CSMD1: variants seen among roughly 807,000 people sequenced by gnomAD.
The protein encoded by CSMD1 is CUB and Sushi multiple domains 1.
CSMD1 carries 213 observed loss-of-function variants against 417.5 expected under a neutral mutation model. The observed-to-expected ratio is 0.51, with a 90% CI of 0.46 to 0.57. The LOEUF is 0.57. Among genes scored for constraint, CSMD1 ranks in the 20% least tolerant of loss-of-function variants. The pLI, the probability that CSMD1 is intolerant of heterozygous loss-of-function variation, is 0.00. For missense variants in CSMD1, 6,923 were observed against 4,529.7 expected, an observed-to-expected ratio of 1.53 and a Z score of -15.17; for synonymous variants, 2,862 against 1,736.8, an observed-to-expected ratio of 1.65 and a Z score of -16.11.
intron 3 of CSMD1, among the ~76,000 whole-genome samples, chr8:4,055,501 ATAAG>A (rs1798644870): frequency 6.6e-6 from 1 of 151,974 alleles, no homozygotes; most frequent in Admixed American, 6.6e-5. Flanking sequence ...TTTCATATAA[ATAAG>A]AGTCAAAATC....
Position 4,369,170 on chromosome 8 carries a change from A to G in CSMD1, c.415+50783T>C, listed in dbSNP as rs75830086. On this transcript the variant is annotated intron_variant, in intron 3 of 69. Transcript: ENST00000635120. ...GTCTCCATTTTCACTGGTTTCAAAAACTTTTTTTGATTTCTGACTTAATTT... is the reference window on the plus strand; with the variant it reads ...GTCTCCATTTTCACTGGTTTCAAAAGCTTTTTTTGATTTCTGACTTAATTT... 2.3e-3 allele frequency among the ~76,000 whole-genome samples: 345 copies of G among 152,180 alleles called. 1 individual carries two copies. Among genetic ancestry groups the G allele is most frequent in the African/African-American group, 8.0e-3 (334 of 41,538 alleles).
chr8:4,479,543 C>T (rs184511405), intron 2 of CSMD1, among the ~76,000 whole-genome samples: 2 of 152,142 alleles, frequency 1.3e-5, no homozygotes, highest in Non-Finnish European at 2.9e-5. Flanking sequence ...ATTGATCACT[C>T]GTTTCACTTC....
chr8:3,655,509 G>C (rs1798056642), intron 7 of CSMD1, among the ~76,000 whole-genome samples: 1 of 152,212 alleles, frequency 6.6e-6, no homozygotes, highest in Admixed American at 6.5e-5. Context: ...AACACAGCCA[G>C]CTCAGGACCA....
intron 3 of CSMD1, among the ~76,000 whole-genome samples, chr8:4,142,007 G>C (rs1258813540): frequency 6.6e-6 from 1 of 150,596 alleles, no homozygotes; most frequent in Non-Finnish European, 1.5e-5. Flanking sequence ...TATATTCAAT[G>C]ATGTTCCAAA....
intron 23 of CSMD1, among the ~76,000 whole-genome samples, chr8:3,332,074 A>G (rs1806937132): frequency 6.6e-6 from 1 of 152,250 alleles, no homozygotes; most frequent in Non-Finnish European, 1.5e-5. Context: ...TAGATGATCA[A>G]TTAATTGACA....
intron 25 of CSMD1, among the ~76,000 whole-genome samples, chr8:3,289,292 T>G (rs1042912205): frequency 6.8e-6 from 1 of 147,360 alleles, no homozygotes; most frequent in African/African-American, 2.7e-5. Context: ...AACATACGTG[T>G]GCATGTGTCT....
At chr8:4,199,764 A>C (rs2131249361) in intron 3 of CSMD1, among the ~76,000 whole-genome samples, 1 of 152,298 alleles carries the variant, frequency 6.6e-6, no homozygotes, top group African/African-American at 2.4e-5. Flanking sequence ...CAAAAACTGA[A>C]GACTCAAGGA....
chr8:4,812,158 G>C (rs554389822), intron 1 of CSMD1, among the ~76,000 whole-genome samples: 4 of 152,144 alleles, frequency 2.6e-5, no homozygotes, highest in African/African-American at 9.7e-5. Flanking sequence ...AAGCTCACTG[G>C]CTGCTTCGTG....
intron 2 of CSMD1, among the ~76,000 whole-genome samples, chr8:4,589,437 C>A (rs80213987): frequency 2.6e-5 from 4 of 152,026 alleles, no homozygotes; most frequent in Admixed American, 6.6e-5. Flanking sequence ...TTTACCAATA[C>A]TAAGAATTAA....
chr8:4,053,303 G>A (rs1021919584), intron 3 of CSMD1, among the ~76,000 whole-genome samples: 1 of 152,168 alleles, frequency 6.6e-6, no homozygotes, highest in Non-Finnish European at 1.5e-5. Context: ...TTAGCATTGC[G>A]AATGCATGAG....
chr8:3,257,489 G>C (rs556855062), intron 26 of CSMD1, among the ~76,000 whole-genome samples: 1 of 152,308 alleles, frequency 6.6e-6, no homozygotes, highest in East Asian at 1.9e-4. Flanking sequence ...TTATGGATAT[G>C]GACAGTGACA....
intron 3 of CSMD1, among the ~76,000 whole-genome samples, chr8:4,345,894 G>A (rs910280500): frequency 1.3e-5 from 2 of 152,060 alleles, no homozygotes; most frequent in Non-Finnish European, 2.9e-5. Flanking sequence ...TGATGAGTCT[G>A]TGTATTCAGT....
intron 5 of CSMD1, among the ~76,000 whole-genome samples, chr8:3,820,196 A>G (rs1027903366): frequency 5.9e-5 from 9 of 152,122 alleles, no homozygotes; most frequent in Non-Finnish European, 1.0e-4. Flanking sequence ...GGTGCTATAT[A>G]TAAACCATGT....
At chr8:3,678,780 C>G (rs929624709) in intron 7 of CSMD1, among the ~76,000 whole-genome samples, 1 of 152,072 alleles carries the variant, frequency 6.6e-6, no homozygotes, top group Non-Finnish European at 1.5e-5. Context: ...TTAAGTGCAG[C>G]CAGAGAGAAA....
intron 7 of CSMD1, among the ~76,000 whole-genome samples, chr8:3,620,002 T>G (rs1025013007): frequency 2.0e-5 from 3 of 152,100 alleles, no homozygotes; most frequent in East Asian, 3.9e-4. Context: ...CTTGGGAGGC[T>G]GAGACAGGAG....
intron 26 of CSMD1, among the ~76,000 whole-genome samples, chr8:3,263,064 G>T (rs1401889305): frequency 6.6e-6 from 1 of 152,110 alleles, no homozygotes; most frequent in Non-Finnish European, 1.5e-5. Flanking sequence ...CACCTACTTT[G>T]TGTAATAATT....
chr8:4,032,886 T>G (rs1246738359), intron 3 of CSMD1, among the ~76,000 whole-genome samples: 1 of 151,978 alleles, frequency 6.6e-6, no homozygotes, highest in Non-Finnish European at 1.5e-5. Context: ...CAGGCCGTGG[T>G]GGGATGGGGC....
chr8:4,238,473 T>G (rs1225827409), intron 3 of CSMD1, among the ~76,000 whole-genome samples: 1 of 152,134 alleles, frequency 6.6e-6, no homozygotes, highest in Non-Finnish European at 1.5e-5. Context: ...GCACACTGCC[T>G]TAGGGTAAGG....
chr8:3,183,937 A>T (rs1821592336), intron 36 of CSMD1, among the ~76,000 whole-genome samples: 1 of 152,144 alleles, frequency 6.6e-6, no homozygotes, highest in Non-Finnish European at 1.5e-5. Context: ...TTTGAGCCTG[A>T]TCTTTTCCTA....
Sources: allele counts gnomAD v4.1 joint callset (sites outside exome capture counted in the v4.1 genomes callset), GRCh38; gene constraint gnomAD v4.1.1; transcripts MANE v1.5; gene names NCBI Gene and HGNC (gene_info 2026-07-23, HGNC 2026-07-21).